Variants in ATP10D observed in about 807,000 individuals in gnomAD.
ATP10D encodes the protein phospholipid-transporting ATPase VD.
In ATP10D, 89 loss-of-function variants were observed where a neutral mutation model predicts 144.8. The observed-to-expected ratio is 0.61, with a 90% CI of 0.52 to 0.73. The LOEUF (loss-of-function observed/expected upper bound fraction) is 0.73, where lower values mean the gene tolerates loss of function less well. Among genes scored for constraint, ATP10D ranks in the 30% least tolerant of loss-of-function variants. The pLI is 0.00. For missense variants in ATP10D, 1,603 were observed against 1,714.8 expected (o/e 0.93, Z 1.15); for synonymous variants, 571 against 615.1 (o/e 0.93, Z 1.06).
intron 1 of ATP10D, among the ~76,000 whole-genome samples, chr4:47,510,345 G>A (rs1202636297): frequency 6.6e-6 from 1 of 152,014 alleles, no homozygotes; most frequent in African/African-American, 2.4e-5. Context: ...GGCCATGGAG[G>A]GCAGTGAGCC....
chr4:47,558,367 A>G (rs1311876793), intron 12 of ATP10D, 94 bp downstream of exon 12: 3 of 1,481,204 alleles, frequency 2.0e-6, no homozygotes, highest in Middle Eastern at 1.8e-4. Context: ...AGAAACAGCT[A>G]TCTGGGGACT....
Position 47,555,976 on chromosome 4 carries a change from A to T in ATP10D, c.1824+1062A>T, listed in dbSNP as rs181296988. Among the ~76,000 whole-genome samples, 73 of 151,714 alleles carry T rather than the reference A, an allele frequency of 4.8e-4. 1 individual carries two copies. In the East Asian group the frequency reaches 0.014, roughly 29 times the overall value. On this transcript the variant is annotated intron_variant, in intron 11 of 22. Transcript: ENST00000273859. ...ACCATGTTGGCCAGGCTGGTCTCAA[A>T]CTCCTGACCTCAGGCGATCCACCTG...
At position 47,536,865 on chromosome 4, in the gene ATP10D, A is replaced by T; in HGVS notation, c.1323A>T (p.Gly441=). ...AGTACCTCTTTTCCGATAAGACAGG[A>T]ACCCTCACTGAGAATAAGATGGTTT... The part of the protein sequence containing the change: ...QIQYLFSDKT[G]TLTENKMVFR... The change falls in exon 9 of 23, where the codon GGA becomes GGT. Residue 441 remains glycine, a synonymous_variant. Coordinates refer to ENST00000273859, the MANE Select transcript of ATP10D (RefSeq NM_020453.4). 6.2e-7 allele frequency: 1 copy of T among 1,613,484 alleles called. No individual in the cohort carries two copies. Among genetic ancestry groups the T allele is most frequent in the Non-Finnish European group, 8.5e-7 (1 of 1,179,724 alleles).
chr4:47,558,080 GAC>G lies in ATP10D; in HGVS notation c.2244_2245del (p.Pro749ArgfsTer24). Reference protein sequence around the residue: ...RAYQCTLRSRTPEQVMVDFAA... With the variant: ...RAYQCTLRSRXPEQVMVDFAA... ...CTTACCAATGCACTTTACGGTCTCG[GAC>G]ACCAGAGCAGGTCATGGTGGACTTT... On this transcript the variant is annotated frameshift_variant, in exon 12 of 23. Coordinates refer to ENST00000273859, the MANE Select transcript of ATP10D (RefSeq NM_020453.4). LOFTEE classifies it high-confidence loss of function. 1 of 1,614,222 alleles carries G rather than the reference GAC, an allele frequency of 6.2e-7. No individual in the cohort carries two copies. The highest frequency in any genetic ancestry group is 8.5e-7 in the Non-Finnish European group (1 of 1,180,038).
intron 9 of ATP10D, among the ~76,000 whole-genome samples, chr4:47,538,900 G>C (rs949621106): frequency 6.6e-6 from 1 of 152,156 alleles, no homozygotes; most frequent in African/African-American, 2.4e-5. Flanking sequence ...CCTTTTTAAA[G>C]GACTAACCTA....
At chr4:47,559,400 G>A (rs1428752311) in intron 13 of ATP10D, among the ~76,000 whole-genome samples, 2 of 151,980 alleles carry the variant, frequency 1.3e-5, no homozygotes, top group Admixed American at 1.3e-4. Flanking sequence ...AAAGAATGAG[G>A]GCACAGATGA....
At chr4:47,542,827 C>A (rs1284653742) in intron 9 of ATP10D, among the ~76,000 whole-genome samples, 2 of 152,132 alleles carry the variant, frequency 1.3e-5, no homozygotes, top group African/African-American at 4.8e-5. Flanking sequence ...TGAGTCACTT[C>A]ATATCTTCTT....
chr4:47,583,526 G>T (rs1416436205), intron 21 of ATP10D, among the ~76,000 whole-genome samples: 5 of 152,152 alleles, frequency 3.3e-5, no homozygotes, highest in African/African-American at 1.2e-4. Flanking sequence ...TGTAGTAAAA[G>T]GTTAATATCT....
chr4:47,566,044 C>T (rs768930811), intron 15 of ATP10D, among the ~76,000 whole-genome samples: 3 of 152,238 alleles, frequency 2.0e-5, no homozygotes, highest in Non-Finnish European at 2.9e-5. Flanking sequence ...CACTCCTAGT[C>T]CCTCAGGAAT....
At chr4:47,540,347 C>A (rs1718073077) in intron 9 of ATP10D, among the ~76,000 whole-genome samples, 1 of 152,118 alleles carries the variant, frequency 6.6e-6, no homozygotes, top group African/African-American at 2.4e-5. Flanking sequence ...ATTTTAAAAC[C>A]TTCTAGCTTC....
At chr4:47,582,085 T>A (rs1419200298) in intron 21 of ATP10D, 21 bp downstream of exon 21, 1 of 1,567,250 alleles carries the variant, frequency 6.4e-7, no homozygotes, top group East Asian at 2.2e-5. Flanking sequence ...TTCTTGCCTC[T>A]GAAGTAGCCT....
intron 1 of ATP10D, among the ~76,000 whole-genome samples, chr4:47,493,502 G>T (rs187466494): frequency 1.3e-5 from 2 of 152,282 alleles, no homozygotes; most frequent in Admixed American, 1.3e-4. Flanking sequence ...GCTAATATAA[G>T]TGTTCTGAGC....
At chr4:47,536,369 G>T in intron 7 of ATP10D, 68 bp from the exon 8 acceptor site, 1 of 1,565,392 alleles carries the variant, frequency 6.4e-7, no homozygotes, top group Non-Finnish European at 8.7e-7. Context: ...TTCTCCTTTA[G>T]GAATAAAATT....
At chr4:47,502,241 G>A (rs1715722206) in intron 1 of ATP10D, among the ~76,000 whole-genome samples, 1 of 152,172 alleles carries the variant, frequency 6.6e-6, no homozygotes, top group South Asian at 2.1e-4. Flanking sequence ...TTGGGAGGCC[G>A]AGGCGGGCGG....
At chr4:47,567,048 A>C (rs946049051) in intron 15 of ATP10D, among the ~76,000 whole-genome samples, 1 of 119,954 alleles carries the variant, frequency 8.3e-6, no homozygotes, top group African/African-American at 3.1e-5. Context: ...CATGAAAAGA[A>C]GACTTTGCTA....
intron 22 of ATP10D, among the ~76,000 whole-genome samples, chr4:47,588,904 G>T (rs935646480): frequency 1.3e-5 from 2 of 152,134 alleles, no homozygotes; most frequent in Non-Finnish European, 2.9e-5. Context: ...CTCCCTAAAA[G>T]ATTTCCATGT....
At chr4:47,526,529 G>A (rs1306289185) in intron 5 of ATP10D, among the ~76,000 whole-genome samples, 2 of 152,178 alleles carry the variant, frequency 1.3e-5, no homozygotes, top group African/African-American at 4.8e-5. Context: ...TCTAGCTAGT[G>A]TAGTCAGGCA....
In ATP10D at chr4:47,515,527, G is replaced by T; in HGVS notation, c.342G>T (p.Leu114Phe). ...TAGTTGTCCTGAACTGGGTACCTTT[G>T]GTAGAAGCCTTCCAAAAGGAAATCA... ...LFLVVLNWVP[L>F]VEAFQKEITM... The change falls in exon 3 of 23, where the codon TTG becomes TTT. Residue 114 changes from leucine (L) to phenylalanine (F), a missense_variant. By Grantham distance (22) the Leu-to-Phe change is conservative. Transcript: ENST00000273859. The T allele has an allele frequency of 6.2e-7, 1 of 1,613,892 alleles. No individual in the cohort carries two copies. The highest frequency in any genetic ancestry group is 8.5e-7 in the Non-Finnish European group (1 of 1,179,870).
intron 1 of ATP10D, among the ~76,000 whole-genome samples, chr4:47,489,842 G>A (rs917141788): frequency 2.0e-5 from 3 of 152,108 alleles, no homozygotes; most frequent in African/African-American, 7.2e-5. Flanking sequence ...TTAATTTCCT[G>A]TTGATTTCAT....
Sources: allele counts gnomAD v4.1 joint callset (sites outside exome capture counted in the v4.1 genomes callset), GRCh38; gene constraint gnomAD v4.1.1; transcripts MANE v1.5; gene names NCBI Gene and HGNC (gene_info 2026-07-23, HGNC 2026-07-21).